The following SENP5 variants were observed in gnomAD, a reference collection of about 807,000 sequenced individuals.
SENP5 encodes SUMO specific peptidase 5, also known as sentrin-specific protease 5.
A neutral mutation model predicts 74.2 loss-of-function variants in SENP5; 21 were observed. That is an observed-to-expected ratio of 0.28 (90% CI 0.20 to 0.41). The LOEUF (loss-of-function observed/expected upper bound fraction) is 0.41, where lower values mean the gene tolerates loss of function less well. Among genes scored for constraint, SENP5 ranks in the 10% least tolerant of loss-of-function variants. The pLI, the probability that SENP5 is intolerant of heterozygous loss-of-function variation, is 1.00. For missense variants in SENP5, 717 were observed against 889.1 expected (o/e 0.81, Z 2.46); for synonymous variants, 311 against 312.7 (o/e 0.99, Z 0.06).
At chr3:196,870,008 T>G (rs1159865028) in intron 1 of SENP5, among the ~76,000 whole-genome samples, 1 of 152,158 alleles carries the variant, frequency 6.6e-6, no homozygotes, top group Non-Finnish European at 1.5e-5. Flanking sequence ...GGCCATTTAC[T>G]TTGTGTTATT....
chr3:196,888,439 C>T (rs566123048), intron 2 of SENP5, among the ~76,000 whole-genome samples: 1 of 151,864 alleles, frequency 6.6e-6, no homozygotes, highest in African/African-American at 2.4e-5. Context: ...AAAAATCAGC[C>T]AGGTGTTGTG....
chr3:196,890,499 GCTC>G (rs945292919), intron 2 of SENP5, among the ~76,000 whole-genome samples: 1 of 152,148 alleles, frequency 6.6e-6, no homozygotes. Flanking sequence ...TAAGAAGAAA[GCTC>G]CTCCTTTGAA....
intron 1 of SENP5, 136 bp from the exon 2 acceptor site, chr3:196,885,015 A>G: frequency 1.7e-6 from 1 of 576,370 alleles, no homozygotes; most frequent in Admixed American, 3.4e-5. Flanking sequence ...GTCAGATAAG[A>G]TTTCATTGTG....
At chr3:196,889,646 C>T (rs1714120225) in intron 2 of SENP5, among the ~76,000 whole-genome samples, 1 of 152,186 alleles carries the variant, frequency 6.6e-6, no homozygotes, top group Admixed American at 6.5e-5. Context: ...AGCTCATGGA[C>T]TCTCTTCTTC....
intron 2 of SENP5, among the ~76,000 whole-genome samples, chr3:196,889,207 A>C (rs73078422): frequency 0.24 from 36,413 of 151,596 alleles, 4,669 homozygotes; most frequent in African/African-American, 0.34. Flanking sequence ...AAAAAAAACA[A>C]CACCAAAAAA....
At chr3:196,894,111 A>C (rs1714332058) in intron 2 of SENP5, among the ~76,000 whole-genome samples, 1 of 137,978 alleles carries the variant, frequency 7.2e-6, no homozygotes, top group Non-Finnish European at 1.5e-5. Context: ...CTAGATATTA[A>C]TGTGGTTTTT....
chr3:196,909,906 A>C (rs1441863309), intron 6 of SENP5, among the ~76,000 whole-genome samples: 1 of 152,222 alleles, frequency 6.6e-6, no homozygotes, highest in East Asian at 1.9e-4. Flanking sequence ...TGGCCAGGGC[A>C]ATCAGGCAAG....
intron 6 of SENP5, among the ~76,000 whole-genome samples, chr3:196,908,799 G>A (rs1372273190): frequency 6.8e-6 from 1 of 147,956 alleles, no homozygotes; most frequent in Non-Finnish European, 1.5e-5. Context: ...CTCCAGCCTG[G>A]GCAAGAAGAG....
Position 196,886,688 on chromosome 3 carries a change from C to G in SENP5, c.1507C>G (p.Leu503Val). ...PVDDEQLSVCLSGFLDEVMKK... is the reference protein window; with the variant it reads ...PVDDEQLSVCVSGFLDEVMKK... ...GGATGATGAACAGCTGTCAGTCTGT[C>G]TTTCTGGTATGCACTTTTCCTTTAT... Residue 503 changes from leucine (L) to valine (V), a missense_variant, in exon 2 of 10, where the codon CTT (leucine) becomes GTT (valine). Coordinates refer to ENST00000323460, the MANE Select transcript of SENP5 (RefSeq NM_152699.5). The G allele has an allele frequency of 1.9e-6, 3 of 1,549,222 alleles. No homozygotes were observed. The East Asian group carries it at 6.8e-5, about 35-fold the overall frequency.
At chr3:196,900,483 T>C in intron 5 of SENP5, 71 bp downstream of exon 5, 2 of 1,328,956 alleles carry the variant, frequency 1.5e-6, no homozygotes, top group Non-Finnish European at 2.1e-6. Flanking sequence ...TTTTTGTTTT[T>C]ACATTTGATG....
In SENP5 at chr3:196,911,958, G is replaced by A. The variant is rs555834786; in HGVS notation, c.1884+8348G>A. ...AAGCTGGCAAGGCTGTGGAGACATA[G>A]GAATGCTTTTACACTGTTGGTGGGA... On this transcript the variant is annotated intron_variant, in intron 6 of 9. Coordinates refer to ENST00000323460, the MANE Select transcript of SENP5 (RefSeq NM_152699.5). 5.4e-4 allele frequency among the ~76,000 whole-genome samples: 82 copies of A among 152,320 alleles called. 1 individual carries two copies. Among genetic ancestry groups the A allele is most frequent in the African/African-American group, 1.9e-3 (77 of 41,568 alleles).
At chr3:196,903,760 T>C (rs1382183042) in intron 6 of SENP5, 150 bp downstream of exon 6, 1 of 548,398 alleles carries the variant, frequency 1.8e-6, no homozygotes, top group Non-Finnish European at 3.2e-6. Flanking sequence ...CTTTTAAATC[T>C]TATTGTTTGA....
rs1019110915 is a variant in SENP5 at position 196,885,127 on chromosome 3, A to G, written c.-31-24A>G. On this transcript the variant is annotated intron_variant, in intron 1 of 9. Transcript: ENST00000323460. ...CATGACCTTATTTTTAGATAGAAAT[A>G]TAACTTACTTCTCTTCTTTACAGCT... 7 of 1,374,374 alleles carry G rather than the reference A, an allele frequency of 5.1e-6. No individual in the cohort carries two copies. In the African/African-American group the frequency reaches 5.8e-5, roughly 11 times the overall value. The allele number at this position is 1,374,374 out of a possible 1,614,324, so 85.1% of individuals were successfully genotyped here. A position where few individuals can be genotyped will look rare whatever the true frequency, so the allele number is the denominator to read the frequency against.
chr3:196,916,700 T>C lies in SENP5; in HGVS notation c.1885-6714T>C, dbSNP rs549996881. On this transcript the variant is annotated intron_variant, in intron 6 of 9. Transcript: ENST00000323460. The stretch of plus-strand genomic sequence containing the variant: ...GTGCCACTATGCCTGGCTAATTTTG[T>C]ATTTTTAGTAGAGACAGGGTTTCAC... Among the ~76,000 whole-genome samples, 254 of 152,108 alleles carry C rather than the reference T, an allele frequency of 1.7e-3. 6 individuals are homozygous for C. Among genetic ancestry groups the C allele is most frequent in the Non-Finnish European group, 1.6e-4 (11 of 68,002 alleles).
chr3:196,888,577 C>CCA (rs1714073594), intron 2 of SENP5, among the ~76,000 whole-genome samples: 1 of 143,762 alleles, frequency 7.0e-6, no homozygotes. Flanking sequence ...GAGCGAGACT[C>CCA]TCTCACAAAA....
intron 7 of SENP5, among the ~76,000 whole-genome samples, chr3:196,925,564 C>T (rs575615046): frequency 6.6e-6 from 1 of 152,312 alleles, no homozygotes; most frequent in Non-Finnish European, 1.5e-5. Flanking sequence ...AAAACTGTTT[C>T]AAGTAGGAAC....
chr3:196,930,434 CAG>C (rs2108869954), intron 9 of SENP5, among the ~76,000 whole-genome samples: 1 of 152,284 alleles, frequency 6.6e-6, no homozygotes, highest in Admixed American at 6.5e-5. Context: ...ATGCTTAAAA[CAG>C]TGTATTTTTA....
chr3:196,875,312 A>G (rs978812881), intron 1 of SENP5, among the ~76,000 whole-genome samples: 3 of 152,192 alleles, frequency 2.0e-5, no homozygotes, highest in African/African-American at 7.2e-5. Context: ...TTAATCCAAG[A>G]AGCTGTCCCA....
chr3:196,880,561 G>A (rs1713677802), intron 1 of SENP5, among the ~76,000 whole-genome samples: 1 of 151,014 alleles, frequency 6.6e-6, no homozygotes, highest in African/African-American at 2.4e-5. Context: ...CTTAATCTCA[G>A]TCTTTCATTC....
Sources: gnomAD v4.1 joint callset for allele counts (sites outside exome capture counted in the v4.1 genomes callset) on GRCh38, gnomAD v4.1.1 for gene constraint, MANE v1.5 for transcripts, NCBI Gene and HGNC (gene_info 2026-07-23, HGNC 2026-07-21) for gene names.